Variants in SLC20A2 observed in about 807,000 individuals in gnomAD.
SLC20A2 encodes the protein sodium-dependent phosphate transporter 2.
In SLC20A2, 30 loss-of-function variants were observed where a neutral mutation model predicts 61.0. That is an observed-to-expected ratio of 0.49 (90% confidence interval 0.37 to 0.67). The LOEUF (loss-of-function observed/expected upper bound fraction) is 0.67, where lower values mean the gene tolerates loss of function less well. SLC20A2 is among the 30% of genes least tolerant of loss of function. The pLI is 0.00. For synonymous variants in SLC20A2, 351 were observed against 353.3 expected (o/e 0.99, Z 0.07); for missense variants, 626 against 866.4 (o/e 0.72, Z 3.48).
rs79056659 is a variant in SLC20A2, at chr8:42,516,684, T to A, written c.-265+25137A>T. Among the ~76,000 whole-genome samples, 1,114 of 152,330 alleles carry A rather than the reference T, an allele frequency of 7.3e-3. 8 individuals are homozygous for A. The highest frequency in any genetic ancestry group is 0.014 in the Middle Eastern group (4 of 294). ...TACCACTTTCCTTTTATACCATCCT[T>A]CAGATCCAACAACCAAACTCCTTTA... On this transcript the variant is annotated intron_variant, in intron 1 of 10. Coordinates refer to the SLC20A2 transcript ENST00000342228.
At chr8:42,439,400 G>A in intron 7 of SLC20A2, 50 bp downstream of exon 7, 2 of 1,585,748 alleles carry the variant, frequency 1.3e-6, no homozygotes, top group Non-Finnish European at 1.7e-6. Context: ...TCCTCCCCAG[G>A]GAACTTCTCT....
intron 1 of SLC20A2, among the ~76,000 whole-genome samples, chr8:42,532,746 T>C (rs889218798): frequency 4.6e-5 from 7 of 152,090 alleles, no homozygotes; most frequent in African/African-American, 1.7e-4. Context: ...CAGAGCTAGA[T>C]AAGACACACG....
intron 10 of SLC20A2, among the ~76,000 whole-genome samples, chr8:42,427,155 A>G (rs961212046): frequency 1.3e-5 from 2 of 152,230 alleles, no homozygotes; most frequent in African/African-American, 4.8e-5. Context: ...CATGCCGTCC[A>G]TGTGGGAGCC....
intron 1 of SLC20A2, among the ~76,000 whole-genome samples, chr8:42,474,247 G>C (rs544428233): frequency 6.6e-6 from 1 of 152,102 alleles, no homozygotes; most frequent in Non-Finnish European, 1.5e-5. Context: ...GGTTGAATAG[G>C]AAGGTTAGAG....
intron 8 of SLC20A2, among the ~76,000 whole-genome samples, chr8:42,435,484 A>T (rs960652206): frequency 6.6e-6 from 1 of 152,102 alleles, no homozygotes; most frequent in African/African-American, 2.4e-5. Context: ...CATTTTACAG[A>T]TTGGGAAACG....
intron 10 of SLC20A2, among the ~76,000 whole-genome samples, chr8:42,418,956 C>T (rs1054020571): frequency 6.2e-5 from 8 of 129,362 alleles, no homozygotes; most frequent in East Asian, 2.6e-4. Context: ...TTGCAGTGAG[C>T]GGAGATCATG....
At chr8:42,511,378 C>T (rs1200848881) in intron 1 of SLC20A2, among the ~76,000 whole-genome samples, 1 of 152,062 alleles carries the variant, frequency 6.6e-6, no homozygotes, top group African/African-American at 2.4e-5. Flanking sequence ...CCTATGATCC[C>T]AGCACTTTGG....
Position 42,444,532 on chromosome 8 carries a change from C to T in SLC20A2, c.730+114G>A, listed in dbSNP as rs371312864. ...GGAGAGACAGAGGATGGGGTATGTT[C>T]TGGAGTCACCCACACTTCCATTTCC... On this transcript the variant is annotated intron_variant, in intron 6 of 10. Coordinates refer to ENST00000520262, the MANE Select transcript of SLC20A2 (RefSeq NM_001257180.2). The T allele has an allele frequency of 1.1e-4, 87 of 791,354 alleles. No individual in the cohort carries two copies. In the African/African-American group the frequency reaches 1.2e-3, roughly 11 times the overall value. The allele number at this position is 791,354 out of a possible 1,614,324, so 49.0% of individuals were successfully genotyped here.
intron 1 of SLC20A2, among the ~76,000 whole-genome samples, chr8:42,487,126 A>G (rs1809078329): frequency 1.3e-5 from 2 of 150,276 alleles, no homozygotes; most frequent in South Asian, 4.2e-4. Context: ...TGGCCTCCCA[A>G]AGTGCTGGGA....
chr8:42,503,385 CT>C (rs1810440145), upstream of SLC20A2, among the ~76,000 whole-genome samples: 1 of 152,094 alleles, frequency 6.6e-6, no homozygotes, highest in African/African-American at 2.4e-5. Flanking sequence ...CCTATGGGAT[CT>C]TTAGTTCAAC....
chr8:42,470,427 C>T (rs749278604), intron 2 of SLC20A2, among the ~76,000 whole-genome samples: 26 of 151,738 alleles, frequency 1.7e-4, no homozygotes, highest in Non-Finnish European at 3.2e-4. Context: ...CTATGTTGCC[C>T]AGACTGGTCT....
At chr8:42,448,962 T>G (rs1805448073) in intron 5 of SLC20A2, among the ~76,000 whole-genome samples, 3 of 152,162 alleles carry the variant, frequency 2.0e-5, no homozygotes, top group African/African-American at 7.2e-5. Context: ...AAAATCCAGT[T>G]TCGTGGATAA....
At chr8:42,459,570 G>A (rs913150758) in intron 5 of SLC20A2, among the ~76,000 whole-genome samples, 2 of 152,182 alleles carry the variant, frequency 1.3e-5, no homozygotes, top group African/African-American at 4.8e-5. Context: ...GCTCAGAGAG[G>A]CTAAGCTATA....
intron 10 of SLC20A2, among the ~76,000 whole-genome samples, chr8:42,424,819 GCAGA>G (rs1383170541): frequency 1.4e-4 from 22 of 152,288 alleles, no homozygotes; most frequent in Non-Finnish European, 2.8e-4. Context: ...GCCGAGGCAG[GCAGA>G]CCACTTGAGG....
chr8:42,515,902 G>A (rs1399834300), intron 1 of SLC20A2, among the ~76,000 whole-genome samples: 4 of 152,196 alleles, frequency 2.6e-5, no homozygotes, highest in Non-Finnish European at 5.9e-5. Context: ...TATTGGCAGT[G>A]CACTTCCACA....
intron 1 of SLC20A2, among the ~76,000 whole-genome samples, chr8:42,524,571 A>G (rs555289579): frequency 2.6e-5 from 4 of 152,192 alleles, no homozygotes; most frequent in African/African-American, 7.2e-5. Context: ...GCAGATCACA[A>G]GGTCAGGAGT....
chr8:42,493,969 CTG>C (rs1375436158), intron 1 of SLC20A2, among the ~76,000 whole-genome samples: 3 of 152,162 alleles, frequency 2.0e-5, no homozygotes, highest in African/African-American at 7.2e-5. Flanking sequence ...TAGCGAGACC[CTG>C]TCTCTATAAA....
chr8:42,439,375 C>T (rs1221291737), intron 7 of SLC20A2, 75 bp downstream of exon 7: 1 of 1,448,284 alleles, frequency 6.9e-7, no homozygotes, highest in Admixed American at 2.0e-5. Context: ...ATTGCCCACA[C>T]CCAGGCCCAG....
At chr8:42,455,613 T>C (rs1806136942) in intron 5 of SLC20A2, among the ~76,000 whole-genome samples, 1 of 151,968 alleles carries the variant, frequency 6.6e-6, no homozygotes, top group Admixed American at 6.6e-5. Context: ...TGAGCCGAGA[T>C]TGCTGGAGCC....
Sources: gnomAD v4.1 joint callset for allele counts (sites outside exome capture counted in the v4.1 genomes callset) on GRCh38, gnomAD v4.1.1 for gene constraint, MANE v1.5 for transcripts, NCBI Gene and HGNC (gene_info 2026-07-23, HGNC 2026-07-21) for gene names.